UMODL1: variants seen among roughly 807,000 people sequenced by gnomAD.
UMODL1 encodes uromodulin like 1, also known as uromodulin-like 1.
A neutral mutation model predicts 136.3 loss-of-function variants in UMODL1; 128 were observed. The ratio of observed to expected loss-of-function variants is 0.94; its 90% CI spans 0.81 to 1.09. The LOEUF (loss-of-function observed/expected upper bound fraction) is 1.09, where lower values mean the gene tolerates loss of function less well. UMODL1 is among the 50% of genes least tolerant of loss of function. The probability of loss-of-function intolerance (pLI) is 0.00; values close to 1 mark genes in which losing one functional copy is unlikely to be tolerated. For missense variants in UMODL1, 1,766 were observed against 1,725.6 expected, an observed-to-expected ratio of 1.02 and a Z score of -0.41; for synonymous variants, 721 against 720.0, an observed-to-expected ratio of 1.00 and a Z score of -0.02.
In UMODL1 at chr21:42,111,276, A is replaced by T. The variant is rs766510881; in HGVS notation, c.1899+155A>T. 2.4e-5 allele frequency: 34 copies of T among 1,421,554 alleles called. No individual in the cohort carries two copies. The highest frequency in any genetic ancestry group is 2.8e-5 in the Non-Finnish European group (30 of 1,065,350). 88.1% of individuals were successfully genotyped at this position (1,421,554 alleles called of 1,614,324 possible). On this transcript the variant is annotated intron_variant, in intron 11 of 22. Coordinates refer to ENST00000408910, the MANE Select transcript of UMODL1 (RefSeq NM_001004416.3). ...AGCACCAGCCAGGGGAGCCCCAGCC[A>T]GGTGAACCCCAGCCAGCGGAGCACC...
intron 6 of UMODL1, chr21:42,093,824 G>A (rs766566510): frequency 4.4e-6 from 2 of 452,946 alleles, no homozygotes; most frequent in Admixed American, 2.4e-5. Flanking sequence ...AAAATTTCCA[G>A]CCCAGCTCTG....
chr21:42,087,972 A>C (rs1241404372), intron 4 of UMODL1, among the ~76,000 whole-genome samples: 1 of 152,144 alleles, frequency 6.6e-6, no homozygotes, highest in Non-Finnish European at 1.5e-5. Flanking sequence ...ATTAGAACCC[A>C]CCTTCACTAA....
chr21:42,110,745 C>A (rs747715561), intron 10 of UMODL1, 135 bp from the exon 11 acceptor site: 1 of 854,030 alleles, frequency 1.2e-6, no homozygotes, highest in Non-Finnish European at 1.8e-6. Flanking sequence ...TGAACGCTGG[C>A]GCCCGCCTGC....
At chr21:42,067,843 G>A (rs557474984), upstream of UMODL1, among the ~76,000 whole-genome samples, 20 of 152,330 alleles carry the variant, frequency 1.3e-4, 1 homozygote, top group Middle Eastern at 0.014. Flanking sequence ...CATCCAACCC[G>A]GCAACTGCTG....
chr21:42,110,658 A>G (rs997307557), intron 10 of UMODL1, among the ~76,000 whole-genome samples: 53 of 152,122 alleles, frequency 3.5e-4, no homozygotes, highest in African/African-American at 1.2e-3. Context: ...CAGTTTCCTC[A>G]TTTATCCAGT....
chr21:42,115,517 A>G (rs1022391650), intron 13 of UMODL1, among the ~76,000 whole-genome samples: 1 of 152,218 alleles, frequency 6.6e-6, no homozygotes, highest in Admixed American at 6.5e-5. Context: ...AAGTTATTTA[A>G]TGGTGCCTCC....
chr21:42,107,269 C>T (rs532742925), intron 9 of UMODL1, among the ~76,000 whole-genome samples: 165 of 152,288 alleles, frequency 1.1e-3, no homozygotes, highest in African/African-American at 3.6e-3. Context: ...CGACCTTAGC[C>T]AGAGGAGCAG....
chr21:42,132,459 TCCA>T (rs1339464088), intron 21 of UMODL1, among the ~76,000 whole-genome samples: 1 of 151,874 alleles, frequency 6.6e-6, no homozygotes, highest in Non-Finnish European at 1.5e-5. Flanking sequence ...CATCCATCTA[TCCA>T]CCATCATCCA....
intron 6 of UMODL1, among the ~76,000 whole-genome samples, chr21:42,097,204 A>G (rs777945208): frequency 3.9e-5 from 6 of 152,226 alleles, no homozygotes; most frequent in Non-Finnish European, 7.3e-5. Context: ...TTAAAAAACT[A>G]CATTCTACCC....
At chr21:42,069,271 C>A (rs1461316869), upstream of UMODL1, among the ~76,000 whole-genome samples, 3 of 151,092 alleles carry the variant, frequency 2.0e-5, no homozygotes, top group African/African-American at 7.4e-5. Context: ...CACACACAAA[C>A]AGCAGGGGTA....
chr21:42,110,090 AG>A (rs1471874481), intron 10 of UMODL1, among the ~76,000 whole-genome samples: 11 of 147,650 alleles, frequency 7.5e-5, no homozygotes, highest in Admixed American at 2.7e-4. Context: ...TGTGGCCTGG[AG>A]CCCGAGACAG....
intron 6 of UMODL1, among the ~76,000 whole-genome samples, chr21:42,098,336 G>C (rs2066582729): frequency 6.6e-6 from 1 of 152,170 alleles, no homozygotes; most frequent in South Asian, 2.1e-4. Flanking sequence ...CAGACCTCTT[G>C]CTTCTCCATT....
chr21:42,065,459 G>A (rs1194205987), intron 1 of UMODL1, among the ~76,000 whole-genome samples: 1 of 141,940 alleles, frequency 7.0e-6, no homozygotes, highest in Non-Finnish European at 1.6e-5. Flanking sequence ...GGTGTGGATC[G>A]AGCCAGTTAT....
intron 20 of UMODL1, chr21:42,128,067 T>C (rs1272227395): frequency 1.6e-6 from 1 of 631,058 alleles, no homozygotes; most frequent in Non-Finnish European, 2.9e-6. Context: ...ATGGCTGAGC[T>C]GAGTTCCTTC....
At chr21:42,132,370 A>G (rs2067145513) in intron 21 of UMODL1, among the ~76,000 whole-genome samples, 3 of 151,312 alleles carry the variant, frequency 2.0e-5, no homozygotes, top group Non-Finnish European at 4.4e-5. Context: ...TCCTTCATCC[A>G]TCTATCAACC....
intron 14 of UMODL1, 66 bp from the exon 15 acceptor site, chr21:42,119,043 CCG>C: frequency 6.6e-7 from 1 of 1,523,270 alleles, no homozygotes; most frequent in Non-Finnish European, 8.9e-7. Flanking sequence ...GCAGGAGGAA[CCG>C]CCTTGAGACG....
chr21:42,095,117 C>A (rs1333926221), intron 6 of UMODL1, among the ~76,000 whole-genome samples: 1 of 14,260 alleles, frequency 7.0e-5, no homozygotes, highest in African/African-American at 1.4e-4. Context: ...TTTTTTGAGA[C>A]AGGGTCTTGC....
At chr21:42,131,115 A>T (rs1700101743) in intron 21 of UMODL1, among the ~76,000 whole-genome samples, 1 of 151,812 alleles carries the variant, frequency 6.6e-6, no homozygotes, top group Admixed American at 6.6e-5. Flanking sequence ...TCCCGGACTG[A>T]CTCCCACTTT....
chr21:42,116,152 T>C (rs73223546), intron 14 of UMODL1, among the ~76,000 whole-genome samples, 167 bp downstream of exon 14: 15,034 of 104,756 alleles, frequency 0.14, 1,029 homozygotes, highest in East Asian at 0.33. Context: ...CTGGGCAACA[T>C]GGCAAAACCC....
Sources: allele counts gnomAD v4.1 joint callset (sites outside exome capture counted in the v4.1 genomes callset), GRCh38; gene constraint gnomAD v4.1.1; transcripts MANE v1.5; gene names NCBI Gene and HGNC (gene_info 2026-07-23, HGNC 2026-07-21).